GRM7: variants seen among roughly 807,000 people sequenced by gnomAD.
GRM7 encodes the protein metabotropic glutamate receptor 7.
Under a neutral mutation model 84.5 loss-of-function variants are expected in GRM7, and 35 were observed. The observed-to-expected ratio is 0.41, with a 90% CI of 0.32 to 0.55. GRM7 has a LOEUF of 0.55. Ranked by LOEUF, GRM7 falls within the 20% of genes least tolerant of loss-of-function variation. The pLI, the probability that GRM7 is intolerant of heterozygous loss-of-function variation, is 0.19. For missense variants in GRM7, 1,003 were observed against 1,194.6 expected (o/e 0.84, Z 2.36); for synonymous variants, 487 against 455.1 (o/e 1.07, Z -0.89).
intron 2 of GRM7, among the ~76,000 whole-genome samples, chr3:7,259,028 G>A (rs1698310862): frequency 6.6e-6 from 1 of 152,214 alleles, no homozygotes; most frequent in Non-Finnish European, 1.5e-5. Flanking sequence ...ACTGGCATTG[G>A]CCTACTGCTA....
At chr3:7,672,271 A>G (rs564209392) in intron 8 of GRM7, among the ~76,000 whole-genome samples, 16 of 152,174 alleles carry the variant, frequency 1.1e-4, no homozygotes, top group African/African-American at 3.6e-4. Flanking sequence ...GAGCACTCCA[A>G]TTAGGAAGCA....
At chr3:7,292,701 T>C (rs946782354) in intron 2 of GRM7, among the ~76,000 whole-genome samples, 1 of 151,086 alleles carries the variant, frequency 6.6e-6, no homozygotes, top group African/African-American at 2.4e-5. Context: ...CTTCTACTGC[T>C]TACATATATT....
intron 1 of GRM7, among the ~76,000 whole-genome samples, chr3:7,029,166 TG>T (rs1234506763): frequency 1.3e-5 from 2 of 151,950 alleles, no homozygotes; most frequent in Non-Finnish European, 2.9e-5. Context: ...TAGTTTGGTG[TG>T]GTTGCACACA....
intron 9 of GRM7, among the ~76,000 whole-genome samples, chr3:7,720,055 C>G (rs1209631173): frequency 2.6e-5 from 4 of 152,168 alleles, no homozygotes; most frequent in African/African-American, 9.7e-5. Context: ...GTGCTACACA[C>G]TTCACATACA....
In GRM7 at chr3:7,284,741, T is replaced by C. The variant is rs569838446; in HGVS notation, c.737-13943T>C. On this transcript the variant is annotated intron_variant, in intron 2 of 9. Transcript: ENST00000357716. Reference sequence around the variant, plus strand: ...ATCATTTTTCACTTTCCTATGTTCATTTATATAACAAAACTATTGTTTACT... The same window carrying C: ...ATCATTTTTCACTTTCCTATGTTCACTTATATAACAAAACTATTGTTTACT... Among the ~76,000 whole-genome samples the C allele has an allele frequency of 2.6e-4, 40 of 152,272 alleles. No homozygotes were observed. In the South Asian group the frequency reaches 7.9e-3, roughly 30 times the overall value.
At chr3:7,189,836 G>A (rs573673553) in intron 2 of GRM7, among the ~76,000 whole-genome samples, 1 of 152,126 alleles carries the variant, frequency 6.6e-6, no homozygotes, top group Non-Finnish European at 1.5e-5. Flanking sequence ...ATGTCACATT[G>A]CAACATGAGG....
chr3:7,045,978 C>A (rs1186237984), intron 1 of GRM7, among the ~76,000 whole-genome samples: 1 of 151,998 alleles, frequency 6.6e-6, no homozygotes, highest in Admixed American at 6.6e-5. Flanking sequence ...CATAACTGTA[C>A]CAATTTGCAT....
rs146007554 is a variant in GRM7, at chr3:7,130,974, C to A, written c.520-15478C>A. The stretch of plus-strand genomic sequence containing the variant: ...ACACACACACACGCACACACGTGCG[C>A]AAGGAATTATATCAGGATTTATTAG... On this transcript the variant is annotated intron_variant, in intron 1 of 9. Coordinates refer to ENST00000357716, the MANE Select transcript of GRM7 (RefSeq NM_000844.4). 2.0e-5 allele frequency among the ~76,000 whole-genome samples: 3 copies of A among 152,278 alleles called. No homozygotes were observed. In the East Asian group the frequency reaches 5.8e-4, roughly 29 times the overall value.
chr3:7,333,326 C>A (rs946102137), intron 4 of GRM7, among the ~76,000 whole-genome samples: 3 of 152,146 alleles, frequency 2.0e-5, no homozygotes, highest in Non-Finnish European at 4.4e-5. Flanking sequence ...TGCAGACATT[C>A]GCCAGCACCA....
At chr3:7,697,512 A>G (rs937716225) in intron 9 of GRM7, among the ~76,000 whole-genome samples, 1 of 152,222 alleles carries the variant, frequency 6.6e-6, no homozygotes, top group Non-Finnish European at 1.5e-5. Context: ...GAACTAAAAA[A>G]TTTAATTTTA....
At chr3:7,592,476 G>A (rs574366078) in intron 8 of GRM7, among the ~76,000 whole-genome samples, 2 of 152,314 alleles carry the variant, frequency 1.3e-5, no homozygotes, top group African/African-American at 4.8e-5. Flanking sequence ...ATGACTAGAA[G>A]AGTAGTGTGA....
chr3:7,312,437 C>T (rs1484533622), intron 4 of GRM7, among the ~76,000 whole-genome samples: 2 of 152,008 alleles, frequency 1.3e-5, no homozygotes, highest in African/African-American at 2.4e-5. Flanking sequence ...CCTTTGGGGA[C>T]ATACTGCAAG....
intron 1 of GRM7, among the ~76,000 whole-genome samples, chr3:6,970,140 C>G (rs1351359392): frequency 1.3e-5 from 2 of 152,136 alleles, no homozygotes; most frequent in Non-Finnish European, 2.9e-5. Context: ...TCTGATTAAC[C>G]TGGTTCCCAG....
In GRM7 at chr3:7,212,401, A is replaced by G. The variant is rs116109891; in HGVS notation, c.736+65733A>G. Among the ~76,000 whole-genome samples, 639 of 152,238 alleles carry G rather than the reference A, an allele frequency of 4.2e-3. 4 individuals are homozygous for G. Among genetic ancestry groups the G allele is most frequent in the African/African-American group, 0.015 (605 of 41,544 alleles). ...ATCCATCAATTCATCTATCCAATAA[A>G]TAGATATTAAGTCCAGTGATAATTA... On this transcript the variant is annotated intron_variant, in intron 2 of 9. Coordinates refer to ENST00000357716, the MANE Select transcript of GRM7 (RefSeq NM_000844.4).
intron 2 of GRM7, among the ~76,000 whole-genome samples, chr3:7,187,349 G>A (rs778254347): frequency 7.9e-5 from 12 of 152,166 alleles, no homozygotes; most frequent in Admixed American, 5.9e-4. Flanking sequence ...AGTAGCACAT[G>A]TAACCTTATA....
chr3:7,056,671 A>T (rs1697235458), intron 1 of GRM7, among the ~76,000 whole-genome samples: 1 of 151,956 alleles, frequency 6.6e-6, no homozygotes, highest in Non-Finnish European at 1.5e-5. Context: ...TACCATCCTG[A>T]TCATTATGAG....
chr3:7,716,157 T>G (rs1281661209), intron 9 of GRM7, among the ~76,000 whole-genome samples: 1 of 152,012 alleles, frequency 6.6e-6, no homozygotes, highest in Non-Finnish European at 1.5e-5. Context: ...AATCATGCTG[T>G]GGGGGGGTGT....
At chr3:7,357,129 C>CA (rs1693444856) in intron 4 of GRM7, among the ~76,000 whole-genome samples, 1 of 151,340 alleles carries the variant, frequency 6.6e-6, no homozygotes. Flanking sequence ...ACATAAATAA[C>CA]AAAAAAATTA....
At chr3:7,311,337 A>G (rs1700384236) in intron 4 of GRM7, among the ~76,000 whole-genome samples, 1 of 152,130 alleles carries the variant, frequency 6.6e-6, no homozygotes. Flanking sequence ...CCCTCTTCCA[A>G]GGCCAGCATC....
Sources: gnomAD v4.1 joint callset for allele counts (sites outside exome capture counted in the v4.1 genomes callset) on GRCh38, gnomAD v4.1.1 for gene constraint, MANE v1.5 for transcripts, NCBI Gene and HGNC (gene_info 2026-07-23, HGNC 2026-07-21) for gene names.